GLIS3: variants seen among roughly 807,000 people sequenced by gnomAD.
GLIS3 encodes zinc finger protein GLIS3.
GLIS3 carries 53 observed loss-of-function variants against 78.6 expected under a neutral mutation model. That is an observed-to-expected ratio of 0.67 (90% CI 0.54 to 0.85). The LOEUF (loss-of-function observed/expected upper bound fraction) is 0.85, where lower values mean the gene tolerates loss of function less well. GLIS3 is among the 40% of genes least tolerant of loss of function. The pLI, the probability that GLIS3 is intolerant of heterozygous loss-of-function variation, is 0.00. For missense variants in GLIS3, 1,703 were observed against 1,231.1 expected (o/e 1.38, Z -5.74); for synonymous variants, 684 against 509.9 (o/e 1.34, Z -4.60).
intron 2 of GLIS3, among the ~76,000 whole-genome samples, chr9:4,328,998 C>T (rs1817643817): frequency 6.6e-6 from 1 of 152,192 alleles, no homozygotes; most frequent in South Asian, 2.1e-4. Flanking sequence ...GCACCAACAG[C>T]ATTTGTTACA....
chr9:4,197,961 A>C (rs1271211867), intron 2 of GLIS3, among the ~76,000 whole-genome samples: 1 of 152,176 alleles, frequency 6.6e-6, no homozygotes, highest in Non-Finnish European at 1.5e-5. Context: ...AGAGACAAAA[A>C]GAAAGAACAA....
At chr9:3,867,339 A>T (rs1820653244) in intron 8 of GLIS3, among the ~76,000 whole-genome samples, 4 of 152,220 alleles carry the variant, frequency 2.6e-5, no homozygotes, top group Admixed American at 6.5e-5. Context: ...TTTCCTTATA[A>T]GTGTACATGT....
At chr9:4,294,160 A>AAT (rs768348094) in intron 1 of GLIS3, among the ~76,000 whole-genome samples, 1 of 152,158 alleles carries the variant, frequency 6.6e-6, no homozygotes, top group Non-Finnish European at 1.5e-5. Flanking sequence ...TAGTCTCTAT[A>AAT]AATCTGACCT....
intron 4 of GLIS3, among the ~76,000 whole-genome samples, chr9:3,939,252 T>A (rs1826073515): frequency 6.6e-6 from 1 of 152,164 alleles, no homozygotes; most frequent in Non-Finnish European, 1.5e-5. Context: ...TACTTTAGAA[T>A]AAGATTAATG....
At chr9:3,838,425 T>G (rs1242808988) in intron 9 of GLIS3, among the ~76,000 whole-genome samples, 2 of 152,152 alleles carry the variant, frequency 1.3e-5, no homozygotes, top group Non-Finnish European at 2.9e-5. Context: ...GATTCTTTGG[T>G]TTCACTTAGC....
At chr9:4,334,561 G>C (rs556443824) in intron 2 of GLIS3, among the ~76,000 whole-genome samples, 1 of 152,316 alleles carries the variant, frequency 6.6e-6, no homozygotes, top group African/African-American at 2.4e-5. Context: ...GCGTTGTCAT[G>C]GGGAAGTTAT....
intron 4 of GLIS3, among the ~76,000 whole-genome samples, chr9:4,065,073 T>C (rs1826980376): frequency 6.6e-6 from 1 of 152,200 alleles, no homozygotes; most frequent in African/African-American, 2.4e-5. Context: ...ATGACTTTAG[T>C]CCCATTCCCA....
Position 4,038,999 on chromosome 9 carries a change from C to A in GLIS3, c.1710+78769G>T, listed in dbSNP as rs192062762. ...CTATGAACCGTTGGGTAAAGCTGAG[C>A]AGCTTGCCACAACAATAGGAATCAT... On this transcript the variant is annotated intron_variant, in intron 4 of 10. Transcript: ENST00000381971. Among the ~76,000 whole-genome samples, 422 of 152,282 alleles carry A rather than the reference C, an allele frequency of 2.8e-3. 1 individual carries two copies. Among genetic ancestry groups the A allele is most frequent in the Non-Finnish European group, 4.5e-3 (303 of 68,028 alleles).
the GLIS3 span, among the ~76,000 whole-genome samples, chr9:4,392,718 T>C: frequency 3.5e-4 from 53 of 152,336 alleles, no homozygotes; most frequent in African/African-American, 1.2e-3. Flanking sequence ...CATTCTTGTG[T>C]TTCTGAATGA....
intron 1 of GLIS3, chr9:4,298,413 C>T (rs1587359809): frequency 2.2e-6 from 1 of 455,500 alleles, no homozygotes; most frequent in East Asian, 7.0e-5. Context: ...GATGACAAAT[C>T]AGCCAGGGCC....
At chr9:4,249,145 G>C (rs986468403) in intron 2 of GLIS3, among the ~76,000 whole-genome samples, 1 of 152,120 alleles carries the variant, frequency 6.6e-6, no homozygotes, top group African/African-American at 2.4e-5. Context: ...ATTTAAAGCA[G>C]TTTTTTCTAA....
At chr9:4,347,954 T>C (rs1366472716) in intron 1 of GLIS3, among the ~76,000 whole-genome samples, 1 of 152,162 alleles carries the variant, frequency 6.6e-6, no homozygotes, top group Non-Finnish European at 1.5e-5. Context: ...CATTTGTTCA[T>C]TGCCCAGGAG....
chr9:4,228,868 C>G (rs1012558130), intron 2 of GLIS3, among the ~76,000 whole-genome samples: 1 of 152,168 alleles, frequency 6.6e-6, no homozygotes, highest in South Asian at 2.1e-4. Context: ...TATGAAGTTT[C>G]AAAATCTACC....
chr9:4,366,092 CA>C, the GLIS3 span, among the ~76,000 whole-genome samples: 1 of 152,086 alleles, frequency 6.6e-6, no homozygotes, highest in African/African-American at 2.4e-5. Context: ...ATGGGGCACC[CA>C]GAAGACAGGG....
At chr9:4,085,371 T>C (rs1239417803) in intron 4 of GLIS3, among the ~76,000 whole-genome samples, 1 of 152,150 alleles carries the variant, frequency 6.6e-6, no homozygotes, top group Non-Finnish European at 1.5e-5. Flanking sequence ...TCTCTCCAGA[T>C]TGCTGGTGTC....
intron 8 of GLIS3, 91 bp from the exon 9 acceptor site, chr9:3,856,275 C>A: frequency 8.6e-7 from 1 of 1,156,296 alleles, no homozygotes; most frequent in Non-Finnish European, 1.3e-6. Context: ...ACCTCCCATT[C>A]TGGCTATACA....
chr9:3,939,212 T>C (rs1373000783), intron 4 of GLIS3, among the ~76,000 whole-genome samples: 2 of 152,212 alleles, frequency 1.3e-5, no homozygotes, highest in Non-Finnish European at 2.9e-5. Flanking sequence ...AAAGCTGCAT[T>C]GTTTCAGCAC....
intron 1 of GLIS3, among the ~76,000 whole-genome samples, chr9:4,287,266 C>CT (rs1828081391): frequency 1.3e-5 from 2 of 152,126 alleles, no homozygotes; most frequent in Non-Finnish European, 2.9e-5. Context: ...GAGAACGTCC[C>CT]TTCTAAAAGT....
the GLIS3 span, among the ~76,000 whole-genome samples, chr9:4,393,298 G>C: frequency 6.6e-6 from 1 of 151,960 alleles, no homozygotes; most frequent in Non-Finnish European, 1.5e-5. Context: ...TATCCCCTAA[G>C]TCATTTGAGA....
Sources: gnomAD v4.1 joint callset for allele counts (sites outside exome capture counted in the v4.1 genomes callset) on GRCh38, gnomAD v4.1.1 for gene constraint, MANE v1.5 for transcripts, NCBI Gene and HGNC (gene_info 2026-07-23, HGNC 2026-07-21) for gene names.